GLMN: variants seen among roughly 807,000 people sequenced by gnomAD.
The protein encoded by GLMN is glomulin.
A neutral mutation model predicts 87.8 loss-of-function variants in GLMN; 75 were observed. The observed-to-expected ratio is 0.85, with a 90% CI of 0.71 to 1.04. The LOEUF is 1.04. Among genes scored for constraint, GLMN ranks in the 50% least tolerant of loss-of-function variants. GLMN has a pLI of 0.00. For missense variants in GLMN, 588 were observed against 658.8 expected (o/e 0.89, Z 1.18); for synonymous variants, 206 against 221.6 (o/e 0.93, Z 0.63).
chr1:92,281,974 C>G (rs543622095), intron 7 of GLMN, among the ~76,000 whole-genome samples: 1 of 152,148 alleles, frequency 6.6e-6, no homozygotes, highest in Non-Finnish European at 1.5e-5. Context: ...GTTTATAAAG[C>G]AAGTCCTTAG....
At chr1:92,259,968 T>C (rs1654811703) in intron 16 of GLMN, among the ~76,000 whole-genome samples, 2 of 151,942 alleles carry the variant, frequency 1.3e-5, no homozygotes, top group Admixed American at 6.6e-5. Context: ...ATCTCCTGAC[T>C]TCATGAACCG....
At chr1:92,283,468 C>T (rs550116869) in intron 7 of GLMN, among the ~76,000 whole-genome samples, 1 of 152,212 alleles carries the variant, frequency 6.6e-6, no homozygotes, top group South Asian at 2.1e-4. Flanking sequence ...TGGAACGTAT[C>T]TCAAAATAAT....
At chr1:92,314,750 TAA>T in the GLMN span, among the ~76,000 whole-genome samples, 1 of 107,518 alleles carries the variant, frequency 9.3e-6, no homozygotes, top group African/African-American at 3.7e-5. Context: ...CTCAATAAAT[TAA>T]AAAAAAAAAA....
chr1:92,356,771 T>C, the GLMN span, among the ~76,000 whole-genome samples: 1 of 151,270 alleles, frequency 6.6e-6, no homozygotes, highest in Non-Finnish European at 1.5e-5. Context: ...TTTTGTCTCA[T>C]TAAAAAATGG....
At chr1:92,247,275 G>A in intron 17 of GLMN, 131 bp from the exon 18 acceptor site, 1 of 704,506 alleles carries the variant, frequency 1.4e-6, no homozygotes, top group Non-Finnish European at 2.6e-6. Context: ...TTGTTTAACA[G>A]CTCAGGGTAT....
the GLMN span, among the ~76,000 whole-genome samples, chr1:92,320,123 A>G: frequency 6.6e-6 from 1 of 152,176 alleles, no homozygotes; most frequent in African/African-American, 2.4e-5. Flanking sequence ...AATTTAGGGA[A>G]GGGATTTACT....
chr1:92,270,961 C>A (rs1389403152), intron 8 of GLMN, among the ~76,000 whole-genome samples: 5 of 152,144 alleles, frequency 3.3e-5, no homozygotes, highest in Admixed American at 6.5e-5. Context: ...AGACCAGGCA[C>A]AAGTTTGTCT....
chr1:92,281,540 A>G (rs907933078), intron 7 of GLMN, among the ~76,000 whole-genome samples: 2 of 152,210 alleles, frequency 1.3e-5, no homozygotes, highest in African/African-American at 4.8e-5. Flanking sequence ...GACCAGTGAC[A>G]CTATGAAGAA....
At chr1:92,307,594 T>A in the GLMN span, among the ~76,000 whole-genome samples, 1 of 152,164 alleles carries the variant, frequency 6.6e-6, no homozygotes, top group African/African-American at 2.4e-5. Flanking sequence ...AATGTTAAAT[T>A]TTTTCAGAAG....
intron 7 of GLMN, among the ~76,000 whole-genome samples, chr1:92,282,373 T>C (rs1372531404): frequency 6.6e-6 from 1 of 152,190 alleles, no homozygotes; most frequent in Non-Finnish European, 1.5e-5. Flanking sequence ...CCTGAATGAC[T>C]ACTGGGTACA....
At chr1:92,255,093 AAGC>A (rs1402221977) in intron 16 of GLMN, among the ~76,000 whole-genome samples, 2 of 152,156 alleles carry the variant, frequency 1.3e-5, no homozygotes, top group Non-Finnish European at 2.9e-5. Flanking sequence ...GAAAAAAAAA[AAGC>A]AGAGGTTGCA....
At chr1:92,357,094 T>TAA in the GLMN span, among the ~76,000 whole-genome samples, 37 of 144,756 alleles carry the variant, frequency 2.6e-4, no homozygotes, top group Non-Finnish European at 4.3e-4. Flanking sequence ...AAGGATTACA[T>TAA]ACACACACAC....
chr1:92,304,136 T>C, the GLMN span: 1 of 1,338,168 alleles, frequency 7.5e-7, no homozygotes, highest in Non-Finnish European at 1.1e-6. Flanking sequence ...CAAAATACTT[T>C]GTTGTAAGAA....
At chr1:92,304,310 T>C in the GLMN span, 1 of 1,511,456 alleles carries the variant, frequency 6.6e-7, no homozygotes, top group Non-Finnish European at 9.1e-7. Context: ...ATAAAATTTC[T>C]ACCAAAACCA....
chr1:92,367,462 T>C, the GLMN span, among the ~76,000 whole-genome samples: 1 of 152,254 alleles, frequency 6.6e-6, no homozygotes, highest in African/African-American at 2.4e-5. Context: ...AAGGTATGGC[T>C]GTTTGACAGA....
intron 3 of GLMN, among the ~76,000 whole-genome samples, chr1:92,293,897 A>C (rs1013046102): frequency 6.6e-6 from 1 of 152,154 alleles, no homozygotes; most frequent in African/African-American, 2.4e-5. Flanking sequence ...GTGGGATCTG[A>C]AAACCAAAAC....
At chr1:92,331,363 T>G in the GLMN span, among the ~76,000 whole-genome samples, 1 of 152,180 alleles carries the variant, frequency 6.6e-6, no homozygotes. Flanking sequence ...GTATTTGGGT[T>G]TAAATCTACC....
At chr1:92,247,544 T>C (rs1489236478) in intron 17 of GLMN, among the ~76,000 whole-genome samples, 1 of 152,200 alleles carries the variant, frequency 6.6e-6, no homozygotes, top group Non-Finnish European at 1.5e-5. Flanking sequence ...TCTAAGATTC[T>C]TTTCATAATT....
Position 92,264,683 on chromosome 1 carries a change from A to T in GLMN, c.1215-45T>A, listed in dbSNP as rs775672026. 36 of 1,014,436 alleles carry T rather than the reference A, an allele frequency of 3.5e-5. 2 individuals are homozygous for T. In the South Asian group the frequency reaches 4.5e-4, roughly 13 times the overall value. 62.8% of individuals were successfully genotyped at this position (1,014,436 alleles called of 1,614,324 possible). A position where few individuals can be genotyped will look rare whatever the true frequency, so the allele number is the denominator to read the frequency against. On this transcript the variant is annotated intron_variant, in intron 13 of 18. Coordinates refer to ENST00000370360, the MANE Select transcript of GLMN (RefSeq NM_053274.3). The stretch of plus-strand genomic sequence containing the variant: ...TAGATGTGAAATTATCCTGGACAGC[A>T]TTAGAATTAAATGGTGATAAAAGTT...
Sources: allele counts gnomAD v4.1 joint callset (sites outside exome capture counted in the v4.1 genomes callset), GRCh38; gene constraint gnomAD v4.1.1; transcripts MANE v1.5; gene names NCBI Gene and HGNC (gene_info 2026-07-23, HGNC 2026-07-21).